VPS8: variants seen among roughly 807,000 people sequenced by gnomAD.
VPS8 encodes the protein VPS8 subunit of CORVET complex.
A neutral mutation model predicts 216.4 loss-of-function variants in VPS8; 129 were observed. The ratio of observed to expected loss-of-function variants is 0.60; its 90% CI spans 0.52 to 0.69. The LOEUF (loss-of-function observed/expected upper bound fraction) is 0.69. Among genes scored for constraint, VPS8 ranks in the 30% least tolerant of loss-of-function variants. The pLI is 0.00. For missense variants in VPS8, 1,531 were observed against 1,683.5 expected (o/e 0.91, Z 1.59); for synonymous variants, 571 against 565.4 (o/e 1.01, Z -0.14).
intron 23 of VPS8, among the ~76,000 whole-genome samples, chr3:184,895,783 G>A (rs1040808480): frequency 8.8e-5 from 13 of 148,240 alleles, no homozygotes; most frequent in African/African-American, 2.3e-4. Flanking sequence ...AAAGGCATAC[G>A]CTACTGTGCC....
At chr3:184,850,749 T>A (rs932709451) in intron 10 of VPS8, among the ~76,000 whole-genome samples, 1 of 152,206 alleles carries the variant, frequency 6.6e-6, no homozygotes, top group Non-Finnish European at 1.5e-5. Flanking sequence ...CATCTACACA[T>A]TTTGTTGCTT....
At chr3:184,841,160 C>T (rs1488334198) in intron 7 of VPS8, among the ~76,000 whole-genome samples, 1 of 151,986 alleles carries the variant, frequency 6.6e-6, no homozygotes, top group Non-Finnish European at 1.5e-5. Flanking sequence ...CTCTTAAAAC[C>T]TATATAGTTG....
chr3:185,004,459 G>A (rs973787179), intron 45 of VPS8, among the ~76,000 whole-genome samples: 1 of 149,506 alleles, frequency 6.7e-6, no homozygotes, highest in Non-Finnish European at 1.5e-5. Context: ...CGGCCTCAGA[G>A]GGAGACCGTG....
At chr3:184,841,510 T>C (rs1722135562) in intron 7 of VPS8, among the ~76,000 whole-genome samples, 1 of 152,228 alleles carries the variant, frequency 6.6e-6, no homozygotes, top group Non-Finnish European at 1.5e-5. Context: ...TATAGTACTG[T>C]GATGAACATC....
At chr3:184,834,519 A>C (rs1560307534) in intron 4 of VPS8, 130 bp from the exon 5 acceptor site, 11 of 689,346 alleles carry the variant, frequency 1.6e-5, no homozygotes, top group East Asian at 5.7e-5. Flanking sequence ...AGAAAAAAAA[A>C]CAGATCTAAC....
chr3:184,843,890 T>C (rs1393441921), intron 8 of VPS8, among the ~76,000 whole-genome samples: 1 of 152,202 alleles, frequency 6.6e-6, no homozygotes, highest in Admixed American at 6.5e-5. Context: ...TGGGAATGAA[T>C]ACAGCTGACT....
Position 185,042,469 on chromosome 3 carries a change from G to A in VPS8, c.4057-6010G>A, listed in dbSNP as rs1711876796. On this transcript the variant is annotated intron_variant, in intron 46 of 47. Coordinates refer to ENST00000625842, the MANE Select transcript of VPS8 (RefSeq NM_001009921.3). The stretch of plus-strand genomic sequence containing the variant: ...CGTGGCAAGACTCCAGGTTTGCACA[G>A]GAGAGTGGCCCCTGGAAGGGGGTCA... 2.6e-5 allele frequency among the ~76,000 whole-genome samples: 4 copies of A among 152,256 alleles called. No homozygotes were observed. In the South Asian group the frequency reaches 8.3e-4, roughly 32 times the overall value.
chr3:184,964,350 C>T, intron 37 of VPS8, 118 bp from the exon 38 acceptor site: 1 of 518,014 alleles, frequency 1.9e-6, no homozygotes, highest in Non-Finnish European at 3.1e-6. Context: ...TGTAAAATAT[C>T]ATACTAATAA....
intron 46 of VPS8, among the ~76,000 whole-genome samples, chr3:185,026,178 T>C (rs1757317509): frequency 6.6e-6 from 1 of 151,904 alleles, no homozygotes; most frequent in African/African-American, 2.4e-5. Flanking sequence ...TGAAGATATA[T>C]GGGGGAAAAA....
At chr3:185,004,545 T>C (rs1007547990) in intron 45 of VPS8, among the ~76,000 whole-genome samples, 13 of 151,876 alleles carry the variant, frequency 8.6e-5, no homozygotes, top group Non-Finnish European at 1.9e-4. Flanking sequence ...TTTTTATTTT[T>C]TAATTAGGGC....
chr3:184,888,180 G>A (rs1486329677), intron 22 of VPS8, among the ~76,000 whole-genome samples: 1 of 151,950 alleles, frequency 6.6e-6, no homozygotes, highest in African/African-American at 2.4e-5. Context: ...GTAGAGACAG[G>A]GTTTCACCGT....
intron 45 of VPS8, among the ~76,000 whole-genome samples, chr3:185,007,953 C>T (rs1754488025): frequency 6.6e-6 from 1 of 152,096 alleles, no homozygotes; most frequent in East Asian, 1.9e-4. Context: ...GAAATAGGAA[C>T]AGTGATATTA....
intron 46 of VPS8, among the ~76,000 whole-genome samples, chr3:185,026,047 G>A (rs80319961): frequency 2.7e-3 from 414 of 152,242 alleles, no homozygotes; most frequent in Non-Finnish European, 4.7e-3. Flanking sequence ...AGGTCTCCCA[G>A]CTCCTAATCA....
intron 1 of VPS8, among the ~76,000 whole-genome samples, chr3:184,814,976 T>C (rs930365160): frequency 9.8e-5 from 15 of 152,322 alleles, no homozygotes; most frequent in Middle Eastern, 3.4e-3. Context: ...CTTATTCTGT[T>C]AGCTTTTTTC....
intron 13 of VPS8, among the ~76,000 whole-genome samples, chr3:184,854,564 T>C (rs910632152): frequency 6.6e-6 from 1 of 152,160 alleles, no homozygotes; most frequent in Non-Finnish European, 1.5e-5. Context: ...TGCAGTAAAA[T>C]TCCCTTATCA....
chr3:184,896,501 T>C (rs1445577073), intron 23 of VPS8, among the ~76,000 whole-genome samples: 2 of 152,188 alleles, frequency 1.3e-5, no homozygotes, highest in African/African-American at 4.8e-5. Flanking sequence ...TTGAAAGCGT[T>C]GTCTAGGTTG....
Position 184,924,891 on chromosome 3 carries a change from C to G in VPS8, c.2484C>G (p.Pro828=). 1.9e-6 allele frequency: 3 copies of G among 1,613,556 alleles called. No homozygotes were observed. The highest frequency in any genetic ancestry group is 2.5e-6 in the Non-Finnish European group (3 of 1,179,738). ...KVMVENSDFT[P]SQVGCLFTFL... is the part of the protein sequence containing the mutation. ...TGGTGGAGAATTCAGACTTTACCCC[C>G]TCACAAGTAGGATGTCTCTTTACCT... Residue 828 remains proline, a synonymous_variant, in exon 30 of 48, where the codon CCC becomes CCG. Transcript: ENST00000625842.
Position 184,928,463 on chromosome 3 carries a change from T to C in VPS8, c.2644T>C (p.Leu882=). Residue 882 remains leucine, a synonymous_variant, in exon 32 of 48, where the codon TTG becomes CTG. Coordinates refer to ENST00000625842, the MANE Select transcript of VPS8 (RefSeq NM_001009921.3). ...HSERQQVLLE[L]LQAGGIVQFE... ...TGTAAATACTCAGGTCCTTTTAGAA[T>C]TGCTGCAGGCTGGAGGCATAGTTCA... is the stretch of plus-strand genomic sequence containing the variant. 1 of 1,530,996 alleles carries C rather than the reference T, an allele frequency of 6.5e-7. No individual in the cohort carries two copies. Among genetic ancestry groups the C allele is most frequent in the Non-Finnish European group, 8.7e-7 (1 of 1,151,650 alleles). The allele number at this position is 1,530,996 out of a possible 1,614,324, so 94.8% of individuals were successfully genotyped here.
At chr3:185,036,275 T>C (rs1308051905) in intron 46 of VPS8, among the ~76,000 whole-genome samples, 2 of 152,082 alleles carry the variant, frequency 1.3e-5, no homozygotes, top group Non-Finnish European at 2.9e-5. Flanking sequence ...AAAATTCATG[T>C]AGAACAAAAA....
Sources: allele counts gnomAD v4.1 joint callset (sites outside exome capture counted in the v4.1 genomes callset), GRCh38; gene constraint gnomAD v4.1.1; transcripts MANE v1.5; gene names NCBI Gene and HGNC (gene_info 2026-07-23, HGNC 2026-07-21).